PRDM1: variants seen among roughly 807,000 people sequenced by gnomAD.
PRDM1 encodes the protein PR domain zinc finger protein 1.
In PRDM1, 13 loss-of-function variants were observed where a neutral mutation model predicts 62.8. That is an observed-to-expected ratio of 0.21 (90% CI 0.13 to 0.33). PRDM1 has a LOEUF of 0.33. PRDM1 is among the 10% of genes least tolerant of loss of function. The pLI, the probability that PRDM1 is intolerant of heterozygous loss-of-function variation, is 1.00. For synonymous variants in PRDM1, 396 were observed against 417.6 expected (o/e 0.95, Z 0.63); for missense variants, 895 against 1,058.8 (o/e 0.85, Z 2.15).
intron 1 of PRDM1, among the ~76,000 whole-genome samples, chr6:106,051,601 G>T (rs1045041620): frequency 6.6e-6 from 1 of 152,152 alleles, no homozygotes; most frequent in Non-Finnish European, 1.5e-5. Flanking sequence ...GTGTGGTGCC[G>T]CAAAGGATTG....
rs548190147 is a variant in PRDM1 at position 106,107,637 on chromosome 6, CA to C, written c.*154del. ...ACCTCTGGAATTAAAGAAGGAACTC[CA>C]AAGTTACTGAAATCTCAGGGCATGA... On this transcript the variant is annotated 3_prime_UTR_variant, in exon 7 of 7. Transcript: ENST00000369096. 1.9e-6 allele frequency: 1 copy of C among 526,382 alleles called. No homozygotes were observed. Among genetic ancestry groups the C allele is most frequent in the South Asian group, 4.3e-5 (1 of 23,196 alleles). The allele number at this position is 526,382 out of a possible 1,614,324, so 32.6% of individuals were successfully genotyped here.
At chr6:105,998,890 CATATATATATATATATATATATAT>C (rs202209129) in intron 1 of PRDM1, among the ~76,000 whole-genome samples, 7 of 100,198 alleles carry the variant, frequency 7.0e-5, no homozygotes, top group African/African-American at 2.4e-4. Flanking sequence ...AAAGTTAATA[CATATATATATATATATATATATAT>C]ATATATATAT....
intron 1 of PRDM1, among the ~76,000 whole-genome samples, chr6:106,025,097 C>T (rs1036860441): frequency 6.6e-6 from 1 of 152,072 alleles, no homozygotes; most frequent in African/African-American, 2.4e-5. Flanking sequence ...AGAGGTGAGG[C>T]TTTTTAAGCA....
intron 1 of PRDM1, among the ~76,000 whole-genome samples, chr6:106,014,710 C>G (rs976401363): frequency 5.3e-5 from 8 of 151,258 alleles, no homozygotes; most frequent in Non-Finnish European, 7.4e-5. Flanking sequence ...AATCTATAAT[C>G]ATCACATTTC....
chr6:106,068,087 C>A (rs1254374306), intron 1 of PRDM1, among the ~76,000 whole-genome samples: 3 of 151,094 alleles, frequency 2.0e-5, no homozygotes, highest in African/African-American at 7.3e-5. Flanking sequence ...ACACTCCAGC[C>A]ACCCTGTTCT....
chr6:106,101,744 C>G (rs528910020), intron 4 of PRDM1, among the ~76,000 whole-genome samples: 9 of 152,174 alleles, frequency 5.9e-5, no homozygotes, highest in Non-Finnish European at 1.2e-4. Context: ...TGTTGGGTTT[C>G]CATGCTTAAA....
chr6:106,106,917 C>T lies in PRDM1; in HGVS notation c.1909C>T (p.His637Tyr). The T allele has an allele frequency of 6.2e-7, 1 of 1,612,384 alleles. No homozygotes were observed. The highest frequency in any genetic ancestry group is 1.1e-5 in the South Asian group (1 of 90,910). The change falls in exon 7 of 7, where the codon CAC becomes TAC. Residue 637 changes from histidine (H) to tyrosine (Y), a missense_variant. This residue lies in a region of PRDM1 where 74 missense variants were observed against 172.4 expected (regional missense o/e 0.43). Coordinates refer to ENST00000369096, the MANE Select transcript of PRDM1 (RefSeq NM_001198.4). The surrounding 1 kb of genome is among the most constrained non-coding windows in gnomAD (Gnocchi z 4.4). ...TCTCTCCCCTACACTGTAGGTCTGCCACAAGAGATTTAGCAGCACCAGCAA... is the reference window on the plus strand; with the variant it reads ...TCTCTCCCCTACACTGTAGGTCTGCTACAAGAGATTTAGCAGCACCAGCAA... ...GEKPHECQVC[H>Y]KRFSSTSNLK... is the part of the protein sequence containing the mutation.
At chr6:106,070,405 C>A (rs1773493298) in intron 1 of PRDM1, among the ~76,000 whole-genome samples, 1 of 152,088 alleles carries the variant, frequency 6.6e-6, no homozygotes, top group Admixed American at 6.6e-5. Flanking sequence ...TTTTAAATGC[C>A]TGAATAATAC....
rs760238935 is a variant in PRDM1 at position 106,105,937 on chromosome 6, G to C, written c.1773+4G>C. On this transcript the variant is annotated splice_donor_region_variant and intron_variant, in intron 5 of 6. Coordinates refer to ENST00000369096, the MANE Select transcript of PRDM1 (RefSeq NM_001198.4). ...CGGCCAGCTCTCCAATCTGAAGGTA[G>C]GCCTTGAGAGAGAGCAGTCCAAGGG... The C allele has an allele frequency of 6.2e-6, 10 of 1,609,872 alleles. No individual in the cohort carries two copies. The South Asian group carries it at 1.1e-4, about 18-fold the overall frequency.
In PRDM1 at chr6:106,014,422, C is replaced by T. The variant is rs913959738; in HGVS notation, c.-67+20783C>T. Among the ~76,000 whole-genome samples the T allele has an allele frequency of 1.5e-4, 19 of 128,826 alleles. 1 individual carries two copies. The Admixed American group carries it at 1.6e-3, about 11-fold the overall frequency. The allele number at this position is 128,826 out of a possible 152,430, so 84.5% of individuals were successfully genotyped here. On this transcript the variant is annotated intron_variant, in intron 1 of 6. Coordinates refer to the PRDM1 transcript ENST00000652320. The stretch of plus-strand genomic sequence containing the variant: ...TTGTCTCCAGTGTCTGAAACAGTTT[C>T]TAGCACATAAGAAATGTTCAAAAAA...
intron 1 of PRDM1, among the ~76,000 whole-genome samples, chr6:106,041,102 G>A (rs1467683692): frequency 6.6e-6 from 1 of 152,188 alleles, no homozygotes; most frequent in Non-Finnish European, 1.5e-5. Context: ...ACATAGCAAT[G>A]CTTGGAGCTC....
At chr6:106,063,891 A>G (rs1016343286) in intron 1 of PRDM1, among the ~76,000 whole-genome samples, 3 of 152,194 alleles carry the variant, frequency 2.0e-5, no homozygotes, top group Admixed American at 1.3e-4. Context: ...GTTTACTTAC[A>G]TGTTTTAACA....
At chr6:106,080,465 G>A (rs9398063) in intron 1 of PRDM1, among the ~76,000 whole-genome samples, 5,319 of 152,190 alleles carry the variant, frequency 0.035, 142 homozygotes, top group East Asian at 0.1. Context: ...GAGGAAGAAA[G>A]GAGAAGGAGA....
At chr6:106,048,660 C>T (rs943472971) in exon 1 of PRDM1, among the ~76,000 whole-genome samples, 3 of 152,210 alleles carry the variant, frequency 2.0e-5, no homozygotes, top group African/African-American at 7.2e-5. Flanking sequence ...GCCTGGTCAG[C>T]ACAGGGTCTT....
At chr6:105,998,917 ATATATATATATATATAT>A (rs1167753435) in intron 1 of PRDM1, among the ~76,000 whole-genome samples, 6 of 3,810 alleles carry the variant, frequency 1.6e-3, no homozygotes, top group Non-Finnish European at 3.5e-3. Flanking sequence ...ATATATATAT[ATATATATATATATATAT>A]TTTTTTTTTT....
At chr6:106,079,212 A>C (rs1301827316) in intron 1 of PRDM1, among the ~76,000 whole-genome samples, 2 of 151,942 alleles carry the variant, frequency 1.3e-5, no homozygotes, top group Non-Finnish European at 2.9e-5. Flanking sequence ...TGATCCACCC[A>C]CCTTGGCCTC....
intron 1 of PRDM1, among the ~76,000 whole-genome samples, chr6:106,075,955 ATTT>A (rs529520354): frequency 6.8e-6 from 1 of 146,162 alleles, no homozygotes. Flanking sequence ...AAAAAAAAAA[ATTT>A]TTTTTTTTTT....
intron 1 of PRDM1, among the ~76,000 whole-genome samples, chr6:106,071,519 GC>G (rs1773520844): frequency 6.6e-6 from 1 of 152,044 alleles, no homozygotes; most frequent in African/African-American, 2.4e-5. Context: ...ATATTGCATT[GC>G]TGTACCCATC....
chr6:106,087,596 T>C lies in PRDM1; in HGVS notation c.43-605T>C, dbSNP rs1181382958. 29 of 232,360 alleles carry C rather than the reference T, an allele frequency of 1.2e-4. No homozygotes were observed. In the East Asian group the frequency reaches 1.8e-3, roughly 14 times the overall value. The allele number at this position is 232,360 out of a possible 1,614,324, so 14.4% of individuals were successfully genotyped here. ...GGATGCAACCCTTTTCAGTCTTCCA[T>C]GTGAGAGGATGAAAGAGAGCTCGCA... On this transcript the variant is annotated intron_variant, in intron 1 of 6. Transcript: ENST00000369096.
Sources: gnomAD v4.1 joint callset for allele counts (sites outside exome capture counted in the v4.1 genomes callset) on GRCh38, gnomAD v4.1.1 for gene constraint, gnomAD v4.1.1 regional missense constraint, Gnocchi (gnomAD v3.1) non-coding constraint, MANE v1.5 for transcripts, NCBI Gene and HGNC (gene_info 2026-07-23, HGNC 2026-07-21) for gene names.